The following DLG2 variants were observed in gnomAD, a reference collection of about 807,000 sequenced individuals.
The protein encoded by DLG2 is discs large MAGUK scaffold protein 2.
Under a neutral mutation model 132.5 loss-of-function variants are expected in DLG2, and 45 were observed. The ratio of observed to expected loss-of-function variants is 0.34; its 90% CI spans 0.27 to 0.44. The LOEUF is 0.44. Among genes scored for constraint, DLG2 ranks in the 20% least tolerant of loss-of-function variants. The pLI is 1.00. For synonymous variants in DLG2, 424 were observed against 419.6 expected, an observed-to-expected ratio of 1.01 and a Z score of -0.13; for missense variants, 1,045 against 1,196.9, an observed-to-expected ratio of 0.87 and a Z score of 1.87.
intron 3 of DLG2, among the ~76,000 whole-genome samples, chr11:85,406,956 G>T (rs989853742): frequency 3.3e-5 from 5 of 151,854 alleles, no homozygotes; most frequent in East Asian, 1.9e-4. Context: ...AGCAGATAAC[G>T]TTTAAGCAGA....
At chr11:84,755,836 G>C (rs2066803349) in intron 6 of DLG2, among the ~76,000 whole-genome samples, 1 of 152,138 alleles carries the variant, frequency 6.6e-6, no homozygotes, top group Non-Finnish European at 1.5e-5. Flanking sequence ...TGAAAATAAA[G>C]GTCACTTTTA....
At chr11:83,846,213 C>T (rs1395606695) in intron 16 of DLG2, among the ~76,000 whole-genome samples, 1 of 152,206 alleles carries the variant, frequency 6.6e-6, no homozygotes, top group Non-Finnish European at 1.5e-5. Context: ...AGGGCCAGAG[C>T]GGAGATATGC....
intron 6 of DLG2, among the ~76,000 whole-genome samples, chr11:84,672,118 T>C (rs2099706539): frequency 6.6e-6 from 1 of 152,170 alleles, no homozygotes; most frequent in African/African-American, 2.4e-5. Flanking sequence ...GAACAAATCA[T>C]AGTTCCAACC....
At chr11:83,777,264 T>C (rs1297232455) in intron 18 of DLG2, among the ~76,000 whole-genome samples, 1 of 152,178 alleles carries the variant, frequency 6.6e-6, no homozygotes, top group Non-Finnish European at 1.5e-5. Context: ...TAAGAGATTA[T>C]CTTGAAACAA....
intron 7 of DLG2, among the ~76,000 whole-genome samples, chr11:84,392,877 G>A (rs915758610): frequency 6.6e-6 from 1 of 152,124 alleles, no homozygotes; most frequent in African/African-American, 2.4e-5. Context: ...CTTCGGCTGG[G>A]CTTCTTTGTA....
At chr11:85,485,120 C>T (rs2093398419) in intron 3 of DLG2, among the ~76,000 whole-genome samples, 1 of 151,688 alleles carries the variant, frequency 6.6e-6, no homozygotes, top group African/African-American at 2.4e-5. Context: ...CCAAACACTG[C>T]ATGTTCTCAC....
chr11:83,511,570 GTAAATGGTTAA>G (rs2095034160), intron 21 of DLG2, among the ~76,000 whole-genome samples: 1 of 152,014 alleles, frequency 6.6e-6, no homozygotes, highest in South Asian at 2.1e-4. Context: ...GGTTAGCATG[GTAAATGGTTAA>G]TAAATGATAA....
At chr11:85,162,542 A>G (rs1423324369) in intron 4 of DLG2, among the ~76,000 whole-genome samples, 1 of 152,176 alleles carries the variant, frequency 6.6e-6, no homozygotes, top group East Asian at 1.9e-4. Context: ...TTTGTTAAAA[A>G]CATGTGTAAG....
intron 18 of DLG2, among the ~76,000 whole-genome samples, chr11:83,780,625 G>A (rs2094774547): frequency 6.6e-6 from 1 of 152,124 alleles, no homozygotes; most frequent in Non-Finnish European, 1.5e-5. Context: ...ATAACTAAAG[G>A]CAATGAAGCC....
chr11:85,582,379 A>G (rs2153229042), intron 3 of DLG2, among the ~76,000 whole-genome samples: 1 of 152,246 alleles, frequency 6.6e-6, no homozygotes, highest in East Asian at 1.9e-4. Flanking sequence ...AGTAAGATAT[A>G]GCATAAAACA....
At chr11:84,637,244 A>G (rs1251092734) in intron 6 of DLG2, among the ~76,000 whole-genome samples, 1 of 152,180 alleles carries the variant, frequency 6.6e-6, no homozygotes, top group East Asian at 1.9e-4. Flanking sequence ...AGTTTCCCTT[A>G]CAAAGATTAT....
chr11:84,113,988 A>C (rs2093496302), intron 9 of DLG2, among the ~76,000 whole-genome samples: 1 of 152,130 alleles, frequency 6.6e-6, no homozygotes, highest in Admixed American at 6.5e-5. Flanking sequence ...AGATATGAGA[A>C]TCCAACTATA....
intron 6 of DLG2, among the ~76,000 whole-genome samples, chr11:84,773,234 A>G (rs1421791663): frequency 6.6e-6 from 1 of 152,196 alleles, no homozygotes; most frequent in African/African-American, 2.4e-5. Flanking sequence ...AACCAGGAAT[A>G]AAATGAAATC....
intron 6 of DLG2, among the ~76,000 whole-genome samples, chr11:84,883,123 G>A (rs994099100): frequency 1.3e-5 from 2 of 152,074 alleles, no homozygotes; most frequent in African/African-American, 4.8e-5. Flanking sequence ...GGAATACTAT[G>A]CAGCCATAAA....
chr11:84,913,465 C>T (rs2092255821), intron 6 of DLG2, among the ~76,000 whole-genome samples: 1 of 152,150 alleles, frequency 6.6e-6, no homozygotes, highest in African/African-American at 2.4e-5. Flanking sequence ...AAAAACAATG[C>T]TTTCAGTCCC....
At chr11:85,138,060 A>G (rs544031048) in intron 5 of DLG2, among the ~76,000 whole-genome samples, 14 of 152,264 alleles carry the variant, frequency 9.2e-5, no homozygotes, top group African/African-American at 3.4e-4. Flanking sequence ...AACAAGCAAA[A>G]TTTTGAGTGA....
At chr11:84,640,955 AAAAAAAAAAC>A (rs1166386265) in intron 6 of DLG2, among the ~76,000 whole-genome samples, 2 of 148,288 alleles carry the variant, frequency 1.3e-5, no homozygotes, top group Non-Finnish European at 3.0e-5. Context: ...AAACAAACAA[AAAAAAAAAAC>A]AAAAAAAAAA....
intron 4 of DLG2, among the ~76,000 whole-genome samples, chr11:85,177,929 G>T (rs924878993): frequency 5.1e-4 from 78 of 151,704 alleles, no homozygotes; most frequent in African/African-American, 1.9e-3. Context: ...AAAATTAAAG[G>T]CTATTTTACA....
intron 9 of DLG2, among the ~76,000 whole-genome samples, chr11:84,109,349 G>A (rs2093197182): frequency 6.6e-6 from 1 of 152,130 alleles, no homozygotes; most frequent in South Asian, 2.1e-4. Context: ...GGCTTTCCTG[G>A]AGAAACTAGG....
Sources: allele counts gnomAD v4.1 joint callset (sites outside exome capture counted in the v4.1 genomes callset), GRCh38; gene constraint gnomAD v4.1.1; transcripts MANE v1.5; gene names NCBI Gene and HGNC (gene_info 2026-07-23, HGNC 2026-07-21).